The following ADRA1A variants were observed in gnomAD, a reference collection of about 807,000 sequenced individuals.
The protein encoded by ADRA1A is alpha-1A adrenergic receptor.
A neutral mutation model predicts 29.6 loss-of-function variants in ADRA1A; 31 were observed. The observed-to-expected ratio is 1.05, with a 90% CI of 0.79 to 1.41. ADRA1A has a LOEUF of 1.41. Among genes scored for constraint, ADRA1A ranks in the 40% most tolerant of loss-of-function variants. The pLI, the probability that ADRA1A is intolerant of heterozygous loss-of-function variation, is 0.00. For missense variants in ADRA1A, 619 were observed against 601.1 expected (o/e 1.03, Z -0.31); for synonymous variants, 311 against 254.3 (o/e 1.22, Z -2.12).
In ADRA1A at chr8:26,796,917, A is replaced by G. The variant is rs35617820; in HGVS notation, c.884-26251T>C. Among the ~76,000 whole-genome samples, 13,222 of 152,176 alleles carry G rather than the reference A, an allele frequency of 0.087. 906 individuals carry two copies. Among genetic ancestry groups the G allele is most frequent in the East Asian group, 0.33 (1,696 of 5,154 alleles). On this transcript the variant is annotated intron_variant, in intron 2 of 2. Transcript: ENST00000380573. This position sits in a 1 kb window ranked among gnomAD's most constrained non-coding sequence, Gnocchi z 5.0. Reference sequence around the variant, plus strand: ...TCCCTCACTGCGCAAATTTTTATAGAGATGAGACTGGAATTGAGAGTGAAA... The same window carrying G: ...TCCCTCACTGCGCAAATTTTTATAGGGATGAGACTGGAATTGAGAGTGAAA...
intron 2 of ADRA1A, among the ~76,000 whole-genome samples, chr8:26,852,190 G>T (rs1326465566): frequency 1.3e-5 from 2 of 152,130 alleles, no homozygotes; most frequent in East Asian, 3.9e-4. Flanking sequence ...AAGCAGGAAG[G>T]CAGACTGATT....
intron 2 of ADRA1A, among the ~76,000 whole-genome samples, chr8:26,838,459 T>C (rs1050746389): frequency 3.3e-5 from 5 of 152,202 alleles, no homozygotes; most frequent in Admixed American, 3.3e-4. Flanking sequence ...AGGACTTGAC[T>C]TTGAGTCTCT....
Position 26,805,193 on chromosome 8 carries a change from C to T in ADRA1A, c.884-34527G>A, listed in dbSNP as rs1808882964. Among the ~76,000 whole-genome samples the T allele has an allele frequency of 6.6e-6, 1 of 152,230 alleles. No individual in the cohort carries two copies. The highest frequency in any genetic ancestry group is 1.5e-5 in the Non-Finnish European group (1 of 68,036). On this transcript the variant is annotated intron_variant, in intron 2 of 2. Transcript: ENST00000380573. The surrounding 1 kb of genome is among the most constrained non-coding windows in gnomAD (Gnocchi z 4.8). ...GTGACGACCAAGAATGGGGCTCTCACCTCTGCCTACCTGGCTCTTCACGTG... is the reference window on the plus strand; with the variant it reads ...GTGACGACCAAGAATGGGGCTCTCATCTCTGCCTACCTGGCTCTTCACGTG...
At chr8:26,833,304 C>T (rs570057093) in intron 2 of ADRA1A, among the ~76,000 whole-genome samples, 5 of 152,256 alleles carry the variant, frequency 3.3e-5, no homozygotes, top group Admixed American at 1.3e-4. Flanking sequence ...AGCCCCCCAT[C>T]GTCTTAGCTC....
Position 26,799,768 on chromosome 8 carries a change from G to A in ADRA1A, c.884-29102C>T, listed in dbSNP as rs539929269. On this transcript the variant is annotated intron_variant, in intron 2 of 2. Transcript: ENST00000380573. ...GGACAATAAGTGAATATTTTAGACT[G>A]TATGCCAGTAAATTAAACAAACTAA... Among the ~76,000 whole-genome samples, 247 of 152,276 alleles carry A rather than the reference G, an allele frequency of 1.6e-3. 1 individual carries two copies. Among genetic ancestry groups the A allele is most frequent in the Non-Finnish European group, 2.4e-3 (166 of 68,016 alleles).
At position 26,866,396 on chromosome 8, in the gene ADRA1A, C is replaced by T. The variant is rs1441587749; in HGVS notation, c.-687+540G>A. The stretch of plus-strand genomic sequence containing the variant: ...GGGACGGGGTGGGGAGGACGTCCCT[C>T]TGCAGAGGGAGCTTTGCAAGTGACA... On this transcript the variant is annotated intron_variant, in intron 1 of 2. Coordinates refer to ENST00000380573, the MANE Select transcript of ADRA1A (RefSeq NM_000680.4). This position sits in a 1 kb window ranked among gnomAD's most constrained non-coding sequence, Gnocchi z 5.7. Among the ~76,000 whole-genome samples the T allele has an allele frequency of 2.0e-5, 3 of 152,216 alleles. No homozygotes were observed. Among genetic ancestry groups the T allele is most frequent in the African/African-American group, 7.2e-5 (3 of 41,466 alleles).
intron 2 of ADRA1A, among the ~76,000 whole-genome samples, chr8:26,834,200 TAA>T (rs1811187951): frequency 6.6e-6 from 1 of 152,188 alleles, no homozygotes; most frequent in Admixed American, 6.5e-5. Context: ...ATGTATACAA[TAA>T]ACAATAGAGA....
At chr8:26,839,841 TC>T (rs1245975907) in intron 2 of ADRA1A, among the ~76,000 whole-genome samples, 4 of 151,856 alleles carry the variant, frequency 2.6e-5, no homozygotes, top group African/African-American at 9.7e-5. Flanking sequence ...ACTATGTGAT[TC>T]CCCTATGGCT....
At chr8:26,808,683 AT>A (rs1809169997) in intron 2 of ADRA1A, among the ~76,000 whole-genome samples, 1 of 152,200 alleles carries the variant, frequency 6.6e-6, no homozygotes, top group South Asian at 2.1e-4. Flanking sequence ...GAGATGTCAC[AT>A]TCTCTCTCCT....
intron 2 of ADRA1A, among the ~76,000 whole-genome samples, chr8:26,776,834 C>A (rs777214826): frequency 1.3e-4 from 20 of 152,138 alleles, no homozygotes. Flanking sequence ...ATGTGGACTC[C>A]AAAGAAGAAG....
chr8:26,754,075 G>T (rs1194468449), downstream of ADRA1A, among the ~76,000 whole-genome samples: 10 of 152,150 alleles, frequency 6.6e-5, no homozygotes, highest in Admixed American at 6.5e-4. Context: ...CAACGTGATT[G>T]TTTATCTCAT....
At chr8:26,812,409 T>G (rs1809457385) in intron 2 of ADRA1A, among the ~76,000 whole-genome samples, 1 of 152,098 alleles carries the variant, frequency 6.6e-6, no homozygotes, top group Non-Finnish European at 1.5e-5. Flanking sequence ...ATCAAATAAC[T>G]AATAGGTTTA....
At position 26,864,008 on chromosome 8, in the gene ADRA1A, G is replaced by A. The variant is rs1261742895; in HGVS notation, c.883+79C>T. 4 of 1,420,796 alleles carry A rather than the reference G, an allele frequency of 2.8e-6. No individual in the cohort carries two copies. The African/African-American group carries it at 4.3e-5, about 15-fold the overall frequency. 88.0% of individuals were successfully genotyped at this position (1,420,796 alleles called of 1,614,324 possible). ...ATGCTAATCCTTCCTCTTCCATCCC[G>A]GACTGGGAGTCTGGGGTAACAGAAG... On this transcript the variant is annotated intron_variant, in intron 2 of 2. Coordinates refer to ENST00000380573, the MANE Select transcript of ADRA1A (RefSeq NM_000680.4). This position sits in a 1 kb window ranked among gnomAD's most constrained non-coding sequence, Gnocchi z 8.1.
rs1447171563 is a variant in ADRA1A, at chr8:26,825,933, T to A, written c.883+38154A>T. 6.6e-6 allele frequency among the ~76,000 whole-genome samples: 1 copy of A among 152,218 alleles called. No homozygotes were observed. Among genetic ancestry groups the A allele is most frequent in the Non-Finnish European group, 1.5e-5 (1 of 68,038 alleles). ...TCCTACAATGTCCCAAGTGCTGAGC[T>A]GGGCACTGGCCATGCCAAAAACACA... On this transcript the variant is annotated intron_variant, in intron 2 of 2. Transcript: ENST00000380573. This position sits in a 1 kb window ranked among gnomAD's most constrained non-coding sequence, Gnocchi z 5.7.
At position 26,866,784 on chromosome 8, in the gene ADRA1A, G is replaced by A. The variant is rs549032450; in HGVS notation, c.-687+152C>T. 6.6e-6 allele frequency among the ~76,000 whole-genome samples: 1 copy of A among 152,240 alleles called. No individual in the cohort carries two copies. The highest frequency in any genetic ancestry group is 2.4e-5 in the African/African-American group (1 of 41,470). On this transcript the variant is annotated intron_variant, in intron 1 of 2. Coordinates refer to ENST00000380573, the MANE Select transcript of ADRA1A (RefSeq NM_000680.4). The surrounding 1 kb of genome is among the most constrained non-coding windows in gnomAD (Gnocchi z 5.7). ...GAAGGCAACTTCGCAGAAGATGTAAGGGAATCGGGGGTGGGGTAGAGGGGC... is the reference window on the plus strand; with the variant it reads ...GAAGGCAACTTCGCAGAAGATGTAAAGGAATCGGGGGTGGGGTAGAGGGGC...
At chr8:26,791,728 A>C (rs1288884385) in intron 2 of ADRA1A, among the ~76,000 whole-genome samples, 1 of 152,162 alleles carries the variant, frequency 6.6e-6, no homozygotes, top group African/African-American at 2.4e-5. Flanking sequence ...AGATTTTCCT[A>C]ACAAAGCTTT....
chr8:26,802,536 C>A (rs1808660051), intron 2 of ADRA1A, among the ~76,000 whole-genome samples: 1 of 152,052 alleles, frequency 6.6e-6, no homozygotes, highest in South Asian at 2.1e-4. Flanking sequence ...TATCTCACCC[C>A]AGTAAAAATG....
At chr8:26,843,533 C>T (rs1030013256) in intron 2 of ADRA1A, among the ~76,000 whole-genome samples, 6 of 152,150 alleles carry the variant, frequency 3.9e-5, no homozygotes, top group African/African-American at 1.4e-4. Flanking sequence ...TGGTGAACAC[C>T]TTGCTTGCCA....
Position 26,822,192 on chromosome 8 carries a change from G to A in ADRA1A, c.883+41895C>T, listed in dbSNP as rs533177610. Among the ~76,000 whole-genome samples the A allele has an allele frequency of 2.0e-5, 3 of 152,316 alleles. No homozygotes were observed. The East Asian group carries it at 5.8e-4, about 29-fold the overall frequency. ...AAGTCTTTCCAAAGTATGGTATCGT[G>A]GTTGAGAGAGAAAACTGTGGAGCCA... is the stretch of plus-strand genomic sequence containing the variant. On this transcript the variant is annotated intron_variant, in intron 2 of 2. Transcript: ENST00000380573.
Sources: allele counts gnomAD v4.1 joint callset (sites outside exome capture counted in the v4.1 genomes callset), GRCh38; gene constraint gnomAD v4.1.1; non-coding constraint Gnocchi (gnomAD v3.1); transcripts MANE v1.5; gene names NCBI Gene and HGNC (gene_info 2026-07-23, HGNC 2026-07-21).